NR4A3: variants seen among roughly 807,000 people sequenced by gnomAD.
The protein encoded by NR4A3 is nuclear receptor subfamily 4 group A member 3.
Under a neutral mutation model 55.6 loss-of-function variants are expected in NR4A3, and 13 were observed. The ratio of observed to expected loss-of-function variants is 0.23; its 90% CI spans 0.15 to 0.37. The LOEUF (loss-of-function observed/expected upper bound fraction) is 0.37. Ranked by LOEUF, NR4A3 falls within the 10% of genes least tolerant of loss-of-function variation. NR4A3 has a pLI of 1.00. For missense variants in NR4A3, 646 were observed against 822.8 expected (o/e 0.79, Z 2.63); for synonymous variants, 342 against 357.9 (o/e 0.96, Z 0.50).
intron 6 of NR4A3, 30 bp downstream of exon 6, chr9:99,844,878 C>G (rs767203142): frequency 1.3e-6 from 2 of 1,552,304 alleles, no homozygotes; most frequent in African/African-American, 1.4e-5. Flanking sequence ...CTTCAGTCTA[C>G]GTCCTTTGAA....
intron 5 of NR4A3, chr9:99,834,665 G>A (rs894329445): frequency 1.1e-5 from 4 of 349,678 alleles, no homozygotes; most frequent in Admixed American, 1.3e-4. Flanking sequence ...AACAGTGTGA[G>A]TGTGTCCCTG....
At chr9:99,851,873 C>A (rs1827855543) in intron 7 of NR4A3, among the ~76,000 whole-genome samples, 1 of 152,188 alleles carries the variant, frequency 6.6e-6, no homozygotes, top group Non-Finnish European at 1.5e-5. Context: ...TGTGGCATTA[C>A]CATTTTATAA....
At chr9:99,862,947 G>T (rs1203560470) in intron 7 of NR4A3, among the ~76,000 whole-genome samples, 1 of 152,136 alleles carries the variant, frequency 6.6e-6, no homozygotes, top group Non-Finnish European at 1.5e-5. Context: ...TGTACAGAGT[G>T]CCAGGTGTAG....
At chr9:99,845,247 A>C (rs368063049) in intron 6 of NR4A3, among the ~76,000 whole-genome samples, 209 of 152,250 alleles carry the variant, frequency 1.4e-3, no homozygotes, top group African/African-American at 4.6e-3. Flanking sequence ...CATTGTATTT[A>C]CCTCGTGGGT....
chr9:99,831,022 G>A (rs759139456), intron 3 of NR4A3, among the ~76,000 whole-genome samples: 1 of 152,200 alleles, frequency 6.6e-6, no homozygotes, highest in African/African-American at 2.4e-5. Flanking sequence ...TAAGGGAACC[G>A]GAGCAGGTTT....
intron 3 of NR4A3, among the ~76,000 whole-genome samples, chr9:99,830,012 C>A (rs1359727351): frequency 1.3e-5 from 2 of 152,242 alleles, no homozygotes; most frequent in East Asian, 3.8e-4. Context: ...CTACCTTTTG[C>A]TGTTGACTCC....
chr9:99,847,372 T>A (rs1827772783), intron 6 of NR4A3, 65 bp from the exon 7 acceptor site: 6 of 1,496,664 alleles, frequency 4.0e-6, no homozygotes, highest in Non-Finnish European at 5.5e-6. Flanking sequence ...CTGTGTGTCA[T>A]AATGTTATCA....
chr9:99,827,282 GTGTGTGTGTA>G (rs1272100998), intron 2 of NR4A3, among the ~76,000 whole-genome samples: 2 of 138,116 alleles, frequency 1.4e-5, no homozygotes, highest in Non-Finnish European at 1.6e-5. Context: ...GTGTGTGTGT[GTGTGTGTGTA>G]TATATATATA....
intron 7 of NR4A3, among the ~76,000 whole-genome samples, chr9:99,863,412 A>T (rs1828041882): frequency 6.6e-6 from 1 of 152,202 alleles, no homozygotes; most frequent in South Asian, 2.1e-4. Flanking sequence ...ACTCTAGGGC[A>T]CACAGCAAGT....
chr9:99,829,848 C>T (rs1827405240), intron 3 of NR4A3, among the ~76,000 whole-genome samples: 2 of 152,282 alleles, frequency 1.3e-5, no homozygotes, highest in South Asian at 4.1e-4. Context: ...CATATTTTAC[C>T]CACGAGGAAG....
chr9:99,864,003 T>C lies in NR4A3; in HGVS notation c.*136T>C, dbSNP rs1828051218. 1 of 1,019,090 alleles carries C rather than the reference T, an allele frequency of 9.8e-7. No individual in the cohort carries two copies. The highest frequency in any genetic ancestry group is 2.7e-5 in the Admixed American group (1 of 36,748). 63.1% of individuals were successfully genotyped at this position (1,019,090 alleles called of 1,614,324 possible). ...CAGCTCCTGTAGAAAGCAAAGACTT[T>C]CTTTTTTTTCTGGCTCTTTTCCTTA... is the stretch of plus-strand genomic sequence containing the variant. On this transcript the variant is annotated 3_prime_UTR_variant, in exon 8 of 8. Coordinates refer to ENST00000395097, the MANE Select transcript of NR4A3 (RefSeq NM_006981.4).
intron 7 of NR4A3, 131 bp downstream of exon 7, chr9:99,847,746 T>G (rs1198841053): frequency 4.9e-6 from 4 of 810,766 alleles, no homozygotes; most frequent in Non-Finnish European, 7.8e-6. Flanking sequence ...ATCTGTTAAG[T>G]TTAACCTAGT....
intron 3 of NR4A3, 84 bp downstream of exon 3, chr9:99,829,077 C>G: frequency 8.0e-7 from 1 of 1,245,490 alleles, no homozygotes; most frequent in Non-Finnish European, 1.0e-6. Context: ...CATCCTTGTT[C>G]TTCCCGGTTT....
At position 99,847,528 on chromosome 9, in the gene NR4A3, T is replaced by G; in HGVS notation, c.1546T>G (p.Ser516Ala). 6.2e-7 allele frequency: 1 copy of G among 1,614,174 alleles called. No homozygotes were observed. The highest frequency in any genetic ancestry group is 8.5e-7 in the Non-Finnish European group (1 of 1,180,014). Residue 516 changes from serine to alanine, a missense_variant, in exon 7 of 8, where the codon TCT (serine) becomes GCT (alanine). This residue lies in a region of NR4A3 where 163 missense variants were observed against 233.0 expected (regional missense o/e 0.70). Transcript: ENST00000395097. ...TCGTGGATTTGGGGAGTGGCTCGAC[T>G]CTATTAAAGACTTTTCCTTAAATTT... The part of the protein sequence containing the change: ...CLRGFGEWLD[S>A]IKDFSLNLQS...
intron 7 of NR4A3, among the ~76,000 whole-genome samples, chr9:99,851,969 C>T (rs778609225): frequency 1.3e-5 from 2 of 152,152 alleles, no homozygotes; most frequent in Admixed American, 6.5e-5. Context: ...GAGCCAGGCA[C>T]GCATTCTGTT....
rs528900208 is a variant in NR4A3, at chr9:99,864,428, T to A, written c.*561T>A. The A allele has an allele frequency of 4.4e-6, 1 of 228,042 alleles. No individual in the cohort carries two copies. The highest frequency in any genetic ancestry group is 8.7e-6 in the Non-Finnish European group (1 of 114,566). The allele number at this position is 228,042 out of a possible 1,614,324, so 14.1% of individuals were successfully genotyped here. A position where few individuals can be genotyped will look rare whatever the true frequency, so the allele number is the denominator to read the frequency against. On this transcript the variant is annotated 3_prime_UTR_variant, in exon 8 of 8. Transcript: ENST00000395097. The stretch of plus-strand genomic sequence containing the variant: ...TGAAAGATGGAGGATTACCTACAAA[T>A]CAGACATGGCAAAACAATAATGGCT...
intron 5 of NR4A3, among the ~76,000 whole-genome samples, chr9:99,844,166 C>T (rs1372426661): frequency 1.3e-5 from 2 of 152,192 alleles, no homozygotes; most frequent in African/African-American, 2.4e-5. Flanking sequence ...CATGGGGAGA[C>T]AGCTGTGCTA....
chr9:99,846,890 C>A (rs1402835647), intron 6 of NR4A3, among the ~76,000 whole-genome samples: 2 of 152,204 alleles, frequency 1.3e-5, no homozygotes, highest in Non-Finnish European at 2.9e-5. Flanking sequence ...TCAGATGATC[C>A]ACCCGCCTTG....
chr9:99,855,309 G>A (rs1021861489), intron 7 of NR4A3, among the ~76,000 whole-genome samples: 5 of 152,084 alleles, frequency 3.3e-5, no homozygotes, highest in Admixed American at 6.6e-5. Context: ...CAAGTATCTG[G>A]CATATGACAA....
Sources: allele counts gnomAD v4.1 joint callset (sites outside exome capture counted in the v4.1 genomes callset), GRCh38; gene constraint gnomAD v4.1.1; regional missense constraint gnomAD v4.1.1; transcripts MANE v1.5; gene names NCBI Gene and HGNC (gene_info 2026-07-23, HGNC 2026-07-21).